PTPRC: variants seen among roughly 807,000 people sequenced by gnomAD.
The protein encoded by PTPRC is receptor-type tyrosine-protein phosphatase C.
Under a neutral mutation model 155.9 loss-of-function variants are expected in PTPRC, and 44 were observed. The ratio of observed to expected loss-of-function variants is 0.28; its 90% CI spans 0.22 to 0.36. PTPRC has a LOEUF of 0.36. Ranked by LOEUF, PTPRC falls within the 10% of genes least tolerant of loss-of-function variation. PTPRC has a pLI of 1.00. For missense variants in PTPRC, 1,401 were observed against 1,564.6 expected (o/e 0.90, Z 1.76); for synonymous variants, 525 against 533.1 (o/e 0.98, Z 0.21).
At position 198,699,698 on chromosome 1, in the gene PTPRC, A is replaced by T; in HGVS notation, c.433A>T (p.Ile145Phe). ...KLNPTPGSNA[I>F]SDVPGERSTA... ...CAACCCTACCCCAGGCAGCAATGCT[A>T]TCTCAGGTTTGCGGGTCCTTTAGAC... The change falls in exon 5 of 33, where the codon ATC becomes TTC. Residue 145 changes from isoleucine to phenylalanine, a missense_variant. Coordinates refer to ENST00000442510, the MANE Select transcript of PTPRC (RefSeq NM_002838.5). The T allele has an allele frequency of 6.2e-7, 1 of 1,614,182 alleles. No homozygotes were observed. Among genetic ancestry groups the T allele is most frequent in the Non-Finnish European group, 8.5e-7 (1 of 1,180,036 alleles).
At chr1:198,739,576 T>C (rs985285398) in intron 23 of PTPRC, among the ~76,000 whole-genome samples, 5 of 151,764 alleles carry the variant, frequency 3.3e-5, no homozygotes, top group Admixed American at 3.3e-4. Context: ...CACAGATATA[T>C]AAAGCAAATA....
At chr1:198,726,991 T>C (rs1048919748) in intron 15 of PTPRC, among the ~76,000 whole-genome samples, 1 of 151,856 alleles carries the variant, frequency 6.6e-6, no homozygotes, top group African/African-American at 2.4e-5. Flanking sequence ...GCCTCCCAAG[T>C]AGTTGGCATT....
intron 2 of PTPRC, among the ~76,000 whole-genome samples, chr1:198,669,454 A>T (rs934959110): frequency 6.6e-6 from 1 of 152,012 alleles, no homozygotes; most frequent in Non-Finnish European, 1.5e-5. Flanking sequence ...TCACAAAACT[A>T]TTTACTTCTT....
intron 2 of PTPRC, among the ~76,000 whole-genome samples, chr1:198,671,447 C>T (rs1387934519): frequency 6.6e-6 from 1 of 152,172 alleles, no homozygotes; most frequent in African/African-American, 2.4e-5. Context: ...TCTCTATTCC[C>T]TTGTTACCTA....
intron 2 of PTPRC, among the ~76,000 whole-genome samples, chr1:198,642,891 CTTTT>C (rs1204717914): frequency 2.1e-5 from 2 of 93,346 alleles, no homozygotes; most frequent in African/African-American, 7.1e-5. Context: ...GATCTTTTTT[CTTTT>C]CTTTCTTTCT....
chr1:198,705,543 C>T (rs1652912508), intron 8 of PTPRC, among the ~76,000 whole-genome samples: 3 of 151,660 alleles, frequency 2.0e-5, no homozygotes, highest in Admixed American at 1.3e-4. Flanking sequence ...GCCTCAGCCT[C>T]CCAAGTAGCT....
chr1:198,670,470 T>C (rs1273327284), intron 2 of PTPRC, among the ~76,000 whole-genome samples: 1 of 152,132 alleles, frequency 6.6e-6, no homozygotes, highest in African/African-American at 2.4e-5. Context: ...CAAAAAATTT[T>C]AAAAATTAAA....
chr1:198,663,122 A>G (rs1168151308), intron 2 of PTPRC, among the ~76,000 whole-genome samples: 1 of 152,188 alleles, frequency 6.6e-6, no homozygotes, highest in Admixed American at 6.5e-5. Context: ...AATAAAGACA[A>G]TCTCCCTGCA....
At chr1:198,731,942 C>T (rs1654408159) in intron 18 of PTPRC, among the ~76,000 whole-genome samples, 1 of 150,712 alleles carries the variant, frequency 6.6e-6, no homozygotes, top group Non-Finnish European at 1.5e-5. Flanking sequence ...TAATGTAGTG[C>T]TTTATTGTAT....
At chr1:198,642,502 A>G (rs1241218263) in intron 2 of PTPRC, among the ~76,000 whole-genome samples, 1 of 151,732 alleles carries the variant, frequency 6.6e-6, no homozygotes, top group East Asian at 1.9e-4. Flanking sequence ...CTATGTGTTG[A>G]TCACTCTGAT....
intron 11 of PTPRC, among the ~76,000 whole-genome samples, chr1:198,712,174 C>T (rs757172141): frequency 6.6e-6 from 1 of 152,204 alleles, no homozygotes; most frequent in Non-Finnish European, 1.5e-5. Flanking sequence ...AACTATGACA[C>T]ATGCAACTAA....
At chr1:198,733,862 G>C (rs1654506703) in intron 20 of PTPRC, among the ~76,000 whole-genome samples, 1 of 151,732 alleles carries the variant, frequency 6.6e-6, no homozygotes, top group African/African-American at 2.4e-5. Flanking sequence ...TCCTATAAGA[G>C]TTGGCAGGAT....
In PTPRC at chr1:198,732,491, C is replaced by T. The variant is rs1654440365; in HGVS notation, c.2077C>T (p.Arg693Cys). 1.2e-6 allele frequency: 2 copies of T among 1,610,342 alleles called. No individual in the cohort carries two copies. The highest frequency in any genetic ancestry group is 1.7e-6 in the Non-Finnish European group (2 of 1,177,730). Residue 693 changes from arginine to cysteine, a missense_variant, in exon 20 of 33, where the codon CGT becomes TGT. Arg to Cys is a radical substitution (Grantham distance 180). Coordinates refer to ENST00000442510, the MANE Select transcript of PTPRC (RefSeq NM_002838.5). ...YVDILPYDYN[R>C]VELSEINGDA... ...TTTTCCTTAAACAGATGATTATAAC[C>T]GTGTTGAACTCTCTGAGATAAACGG...
chr1:198,688,680 G>A (rs1665765254), intron 2 of PTPRC, among the ~76,000 whole-genome samples: 1 of 152,136 alleles, frequency 6.6e-6, no homozygotes, highest in Non-Finnish European at 1.5e-5. Flanking sequence ...AGCATTTGTA[G>A]CACTACTAGT....
In PTPRC at chr1:198,750,484, C is replaced by A; in HGVS notation, c.3073-8C>A. ...TAACGAAGTCCCACCCTTTTTTTGT[C>A]TAAAAAGAGCTACTGGAAACCTGAA... On this transcript the variant is annotated splice_polypyrimidine_tract_variant and splice_region_variant and intron_variant, in intron 28 of 32. Transcript: ENST00000442510. 1 of 1,610,922 alleles carries A rather than the reference C, an allele frequency of 6.2e-7. No individual in the cohort carries two copies. The highest frequency in any genetic ancestry group is 8.5e-7 in the Non-Finnish European group (1 of 1,177,856).
At chr1:198,699,537 T>C in intron 4 of PTPRC, 27 bp from the exon 5 acceptor site, 1 of 1,614,010 alleles carries the variant, frequency 6.2e-7, no homozygotes, top group Non-Finnish European at 8.5e-7. Context: ...GGAAGACTGA[T>C]GTAATGATCT....
chr1:198,668,341 A>T (rs1459593361), intron 2 of PTPRC, among the ~76,000 whole-genome samples: 1 of 152,136 alleles, frequency 6.6e-6, no homozygotes, highest in Non-Finnish European at 1.5e-5. Context: ...CAGCTAAGTT[A>T]TATATAAACA....
chr1:198,720,716 C>T (rs1653846475), intron 14 of PTPRC, among the ~76,000 whole-genome samples: 1 of 152,112 alleles, frequency 6.6e-6, no homozygotes, highest in Non-Finnish European at 1.5e-5. Context: ...TTCTTTAAGA[C>T]TCATTTATAT....
chr1:198,690,183 T>C (rs747265667), intron 2 of PTPRC, among the ~76,000 whole-genome samples: 4 of 152,162 alleles, frequency 2.6e-5, no homozygotes, highest in Non-Finnish European at 5.9e-5. Context: ...ATTTTAAATT[T>C]GGTGATATGT....
Sources: gnomAD v4.1 joint callset for allele counts (sites outside exome capture counted in the v4.1 genomes callset) on GRCh38, gnomAD v4.1.1 for gene constraint, MANE v1.5 for transcripts, NCBI Gene and HGNC (gene_info 2026-07-23, HGNC 2026-07-21) for gene names.